Variants in KLHL29 observed in about 807,000 individuals in gnomAD.
KLHL29 encodes the protein kelch like family member 29, also known as kelch-like protein 29.
KLHL29 carries 21 observed loss-of-function variants against 80.4 expected under a neutral mutation model. The observed-to-expected ratio is 0.26, with a 90% CI of 0.19 to 0.38. The LOEUF is 0.38. Ranked by LOEUF, KLHL29 falls within the 10% of genes least tolerant of loss-of-function variation. The probability of loss-of-function intolerance (pLI) is 1.00; values close to 1 mark genes in which losing one functional copy is unlikely to be tolerated. For synonymous variants in KLHL29, 511 were observed against 526.8 expected (o/e 0.97, Z 0.41); for missense variants, 867 against 1,223.9 (o/e 0.71, Z 4.35).
chr2:23,418,639 G>A (rs186707110), intron 1 of KLHL29, among the ~76,000 whole-genome samples: 1 of 152,258 alleles, frequency 6.6e-6, no homozygotes, highest in African/African-American at 2.4e-5. Context: ...AACCGGGGGA[G>A]GGTAGTAAGG....
intron 2 of KLHL29, among the ~76,000 whole-genome samples, chr2:23,520,819 G>A (rs974386461): frequency 3.3e-5 from 5 of 152,162 alleles, no homozygotes; most frequent in African/African-American, 7.2e-5. Context: ...CACAGTCATC[G>A]TAATGAGATC....
At chr2:23,463,492 T>C (rs1664270471) in intron 1 of KLHL29, among the ~76,000 whole-genome samples, 4 of 152,212 alleles carry the variant, frequency 2.6e-5, no homozygotes, top group South Asian at 4.1e-4. Flanking sequence ...AAAATTTTAC[T>C]GTACAAAATT....
chr2:23,618,541 G>A (rs1669081017), intron 3 of KLHL29, among the ~76,000 whole-genome samples: 1 of 152,100 alleles, frequency 6.6e-6, no homozygotes, highest in Non-Finnish European at 1.5e-5. Context: ...GCTGCCTTTG[G>A]ACTGGAACTG....
At chr2:23,642,979 G>C in intron 5 of KLHL29, 129 bp downstream of exon 5, 3 of 1,100,974 alleles carry the variant, frequency 2.7e-6, no homozygotes, top group Non-Finnish European at 4.1e-6. Flanking sequence ...CCCAGAGGCT[G>C]CAGTGGAGCC....
At chr2:23,488,898 C>G (rs935716631) in intron 2 of KLHL29, among the ~76,000 whole-genome samples, 3 of 152,200 alleles carry the variant, frequency 2.0e-5, no homozygotes, top group Admixed American at 1.3e-4. Context: ...GGGACCACAT[C>G]CTAAATCTGT....
At chr2:23,624,257 A>G (rs1669255739) in intron 3 of KLHL29, among the ~76,000 whole-genome samples, 1 of 152,062 alleles carries the variant, frequency 6.6e-6, no homozygotes, top group Non-Finnish European at 1.5e-5. Flanking sequence ...CCCACATATA[A>G]GCTTAGGGTT....
intron 2 of KLHL29, among the ~76,000 whole-genome samples, chr2:23,499,526 A>G (rs1665369477): frequency 6.6e-6 from 1 of 152,140 alleles, no homozygotes; most frequent in African/African-American, 2.4e-5. Context: ...GCTCTAGGGT[A>G]GCTATGGAGT....
rs897404936 is a variant in KLHL29 at position 23,457,756 on chromosome 2, G to A, written c.-153-17804G>A. On this transcript the variant is annotated intron_variant, in intron 1 of 13. Transcript: ENST00000486442. The surrounding 1 kb of genome is among the most constrained non-coding windows in gnomAD (Gnocchi z 4.3). ...AGGCCGGGCGCGGTGGCTCACACCT[G>A]TAATCCCAGCACTTTGGGAAGCCAA... Among the ~76,000 whole-genome samples, 10 of 152,206 alleles carry A rather than the reference G, an allele frequency of 6.6e-5. No individual in the cohort carries two copies. The highest frequency in any genetic ancestry group is 2.2e-4 in the African/African-American group (9 of 41,460).
intron 2 of KLHL29, among the ~76,000 whole-genome samples, chr2:23,549,340 G>C (rs1200184214): frequency 6.6e-6 from 1 of 152,204 alleles, no homozygotes; most frequent in Non-Finnish European, 1.5e-5. Flanking sequence ...CACACAAGCT[G>C]TTCAAACAGC....
chr2:23,479,709 G>C (rs538879042), intron 2 of KLHL29, among the ~76,000 whole-genome samples: 31 of 152,040 alleles, frequency 2.0e-4, no homozygotes, highest in Admixed American at 6.5e-5. Context: ...CTGCTTCCTT[G>C]CTCTCCAAGG....
At chr2:23,560,156 G>A (rs558977532) in intron 2 of KLHL29, among the ~76,000 whole-genome samples, 2 of 152,160 alleles carry the variant, frequency 1.3e-5, no homozygotes, top group South Asian at 4.1e-4. Flanking sequence ...CGAGGAAACT[G>A]GAGCTAAGTT....
chr2:23,481,007 ATGT>A (rs1320756957), intron 2 of KLHL29, among the ~76,000 whole-genome samples: 1 of 152,218 alleles, frequency 6.6e-6, no homozygotes, highest in Non-Finnish European at 1.5e-5. Flanking sequence ...CCCACAAATC[ATGT>A]TGTAACAGAT....
intron 4 of KLHL29, among the ~76,000 whole-genome samples, chr2:23,640,088 C>T (rs1203902274): frequency 6.6e-6 from 1 of 152,160 alleles, no homozygotes; most frequent in Non-Finnish European, 1.5e-5. Flanking sequence ...CCCCGAGATG[C>T]CCCAGCAGCT....
At chr2:23,421,524 TTGTGTGTG>T (rs57348539) in intron 1 of KLHL29, among the ~76,000 whole-genome samples, 3,740 of 143,612 alleles carry the variant, frequency 0.026, 163 homozygotes, top group African/African-American at 0.089. Context: ...TTAGACAAGA[TTGTGTGTG>T]TGTGTGTGTG....
rs561794218 is a variant in KLHL29 at position 23,386,026 on chromosome 2, C to A, written c.-154+246C>A. Among the ~76,000 whole-genome samples, 189 of 152,234 alleles carry A rather than the reference C, an allele frequency of 1.2e-3. 1 individual carries two copies. The highest frequency in any genetic ancestry group is 4.3e-3 in the African/African-American group (180 of 41,548). ...AGGGGGGGAAAAAACTTCCTGCCCC[C>A]GGGTGTGTATGCACCGGGGCTGCCT... On this transcript the variant is annotated intron_variant, in intron 1 of 13. Transcript: ENST00000486442.
At chr2:23,450,239 A>G (rs1232432184) in intron 1 of KLHL29, among the ~76,000 whole-genome samples, 3 of 152,086 alleles carry the variant, frequency 2.0e-5, no homozygotes, top group African/African-American at 7.2e-5. Context: ...GACTCTCCCA[A>G]GATTTCCCAG....
intron 1 of KLHL29, among the ~76,000 whole-genome samples, chr2:23,474,967 G>A (rs1025847690): frequency 5.3e-5 from 8 of 150,832 alleles, no homozygotes; most frequent in African/African-American, 1.9e-4. Flanking sequence ...CTGCCTCCCC[G>A]TAATAGATAG....
chr2:23,401,404 G>C (rs941622643), intron 1 of KLHL29, among the ~76,000 whole-genome samples: 2 of 152,198 alleles, frequency 1.3e-5, no homozygotes, highest in African/African-American at 4.8e-5. Flanking sequence ...ACCTGGGAGA[G>C]GTAAGCTTGC....
chr2:23,591,930 C>T (rs1396946891), intron 3 of KLHL29, among the ~76,000 whole-genome samples: 1 of 152,274 alleles, frequency 6.6e-6, no homozygotes, highest in Non-Finnish European at 1.5e-5. Flanking sequence ...CTGGTCCTAA[C>T]CATCTCTTTC....
Sources: gnomAD v4.1 joint callset for allele counts (sites outside exome capture counted in the v4.1 genomes callset) on GRCh38, gnomAD v4.1.1 for gene constraint, Gnocchi (gnomAD v3.1) non-coding constraint, MANE v1.5 for transcripts, NCBI Gene and HGNC (gene_info 2026-07-23, HGNC 2026-07-21) for gene names.